The following CASZ1 variants were observed in gnomAD, a reference collection of about 807,000 sequenced individuals.
CASZ1 encodes the protein castor zinc finger 1.
Under a neutral mutation model 135.2 loss-of-function variants are expected in CASZ1, and 28 were observed. That is an observed-to-expected ratio of 0.21 (90% CI 0.15 to 0.28). The LOEUF (loss-of-function observed/expected upper bound fraction) is 0.28. CASZ1 is among the 10% of genes least tolerant of loss of function. The pLI is 1.00. For synonymous variants in CASZ1, 1,068 were observed against 1,073.4 expected, an observed-to-expected ratio of 0.99 and a Z score of 0.10; for missense variants, 2,161 against 2,453.3, an observed-to-expected ratio of 0.88 and a Z score of 2.52.
At position 10,706,100 on chromosome 1, in the gene CASZ1, G is replaced by T. The variant is rs1202500429; in HGVS notation, c.-76-556C>A. Among the ~76,000 whole-genome samples the T allele has an allele frequency of 6.6e-6, 1 of 152,286 alleles. No homozygotes were observed. The highest frequency in any genetic ancestry group is 1.5e-5 in the Non-Finnish European group (1 of 68,050). ...GGCATCAGGAAGCCTCCATGCCCCAGGATCAGGCTGCCGACAGCACCTTCC... is the reference window on the plus strand; with the variant it reads ...GGCATCAGGAAGCCTCCATGCCCCATGATCAGGCTGCCGACAGCACCTTCC... On this transcript the variant is annotated intron_variant, in intron 2 of 20. Transcript: ENST00000377022. This position sits in a 1 kb window ranked among gnomAD's most constrained non-coding sequence, Gnocchi z 4.3.
intron 4 of CASZ1, among the ~76,000 whole-genome samples, chr1:10,673,706 C>A (rs1307073429): frequency 6.6e-6 from 1 of 152,228 alleles, no homozygotes; most frequent in Non-Finnish European, 1.5e-5. Flanking sequence ...ATCTGGGGGG[C>A]TCTCACCTCC....
chr1:10,671,222 G>C (rs975397780), intron 4 of CASZ1, among the ~76,000 whole-genome samples: 1 of 152,214 alleles, frequency 6.6e-6, no homozygotes, highest in Non-Finnish European at 1.5e-5. Flanking sequence ...TCTCCCCCAG[G>C]TCACAGCCAA....
chr1:10,706,561 T>C lies in CASZ1; in HGVS notation c.-76-1017A>G, dbSNP rs1385576067. On this transcript the variant is annotated intron_variant, in intron 2 of 20. Transcript: ENST00000377022. This position sits in a 1 kb window ranked among gnomAD's most constrained non-coding sequence, Gnocchi z 4.3. Reference sequence around the variant, plus strand: ...GATTGTGGGAGATGAGGTGACCTTGTTGAGGGCTCCCGGAATGCCACCCAG... The same window carrying C: ...GATTGTGGGAGATGAGGTGACCTTGCTGAGGGCTCCCGGAATGCCACCCAG... Among the ~76,000 whole-genome samples, 1 of 152,190 alleles carries C rather than the reference T, an allele frequency of 6.6e-6. No homozygotes were observed. The highest frequency in any genetic ancestry group is 6.5e-5 in the Admixed American group (1 of 15,282).
intron 2 of CASZ1, among the ~76,000 whole-genome samples, chr1:10,732,316 G>A (rs1274223751): frequency 9.7e-5 from 13 of 133,782 alleles, no homozygotes; most frequent in Non-Finnish European, 1.9e-4. Flanking sequence ...GCAAGACTCC[G>A]TCTCAAAAAA....
chr1:10,770,159 A>G (rs1570577873), intron 1 of CASZ1, among the ~76,000 whole-genome samples: 1 of 152,154 alleles, frequency 6.6e-6, no homozygotes, highest in African/African-American at 2.4e-5. Context: ...ATCTCGGCTC[A>G]CTGCAGCCTC....
chr1:10,691,702 G>A (rs766866541), intron 4 of CASZ1, among the ~76,000 whole-genome samples: 2 of 152,248 alleles, frequency 1.3e-5, no homozygotes, highest in Admixed American at 6.5e-5. Flanking sequence ...CCCAGCTCCT[G>A]AAGATGAGCA....
rs143080024 is a variant in CASZ1 at position 10,738,323 on chromosome 1, C to T, written c.-77+22378G>A. Among the ~76,000 whole-genome samples the T allele has an allele frequency of 6.1e-3, 933 of 152,314 alleles. 7 individuals carry two copies. The highest frequency in any genetic ancestry group is 0.01 in the Middle Eastern group (3 of 294). On this transcript the variant is annotated intron_variant, in intron 2 of 20. Coordinates refer to ENST00000377022, the MANE Select transcript of CASZ1 (RefSeq NM_001079843.3). ...ATGTCTCAGTCCCGGGACGCTGACG[C>T]GGCAGGAAACCCGGAAGGACGCAGA...
intron 4 of CASZ1, among the ~76,000 whole-genome samples, chr1:10,681,738 G>A (rs1036549545): frequency 6.6e-5 from 10 of 152,344 alleles, no homozygotes; most frequent in East Asian, 3.9e-4. Context: ...TTAGGGTGGC[G>A]CTGGGCCCCA....
chr1:10,766,613 A>C (rs1306688117), intron 1 of CASZ1, among the ~76,000 whole-genome samples: 4 of 152,214 alleles, frequency 2.6e-5, no homozygotes, highest in Non-Finnish European at 4.4e-5. Context: ...GGTACTTCAC[A>C]GCCCCACAAA....
At chr1:10,684,217 C>T (rs904389432) in intron 4 of CASZ1, among the ~76,000 whole-genome samples, 4 of 152,106 alleles carry the variant, frequency 2.6e-5, no homozygotes, top group Middle Eastern at 3.4e-3. Flanking sequence ...TTCCCTTGTC[C>T]GCATCCTCTC....
Position 10,646,424 on chromosome 1 carries a change from C to G in CASZ1, c.3498-98G>C. On this transcript the variant is annotated intron_variant, in intron 16 of 20. Transcript: ENST00000377022. This position sits in a 1 kb window ranked among gnomAD's most constrained non-coding sequence, Gnocchi z 6.4. Reference sequence around the variant, plus strand: ...GTGTTGGAGTTCACTCCCCCACGACCAGCGGTACCACCAAGAGGGATGGCC... The same window carrying G: ...GTGTTGGAGTTCACTCCCCCACGACGAGCGGTACCACCAAGAGGGATGGCC... 8.8e-7 allele frequency: 1 copy of G among 1,130,128 alleles called. No homozygotes were observed. The highest frequency in any genetic ancestry group is 1.3e-6 in the Non-Finnish European group (1 of 771,196). 70.0% of individuals were successfully genotyped at this position (1,130,128 alleles called of 1,614,324 possible). A position where few individuals can be genotyped will look rare whatever the true frequency, so the allele number is the denominator to read the frequency against.
At position 10,654,203 on chromosome 1, in the gene CASZ1, T is replaced by C; in HGVS notation, c.1854A>G (p.Thr618=). ...TGTCACACTTGTTCTTGAAAGTGAA[T>C]GTGCAGCCGGGGCGCCTGGATGGGA... ...THFHCRRPGC[T]FTFKNKCDIE... Residue 618 remains threonine, a synonymous_variant, in exon 11 of 21, where the codon ACA becomes ACG. Transcript: ENST00000377022. 1.2e-6 allele frequency: 2 copies of C among 1,614,142 alleles called. No individual in the cohort carries two copies. The highest frequency in any genetic ancestry group is 2.2e-5 in the East Asian group (1 of 44,884).
At chr1:10,698,376 C>T (rs924420379) in intron 3 of CASZ1, among the ~76,000 whole-genome samples, 1 of 152,128 alleles carries the variant, frequency 6.6e-6, no homozygotes, top group Non-Finnish European at 1.5e-5. Flanking sequence ...CCATTTTTTT[C>T]CCATAAATAC....
intron 4 of CASZ1, 27 bp downstream of exon 4, chr1:10,693,847 C>A: frequency 1.2e-6 from 2 of 1,609,974 alleles, no homozygotes; most frequent in Non-Finnish European, 1.7e-6. Context: ...GTGAAAGAGC[C>A]GCCCCTGCGT....
Position 10,743,671 on chromosome 1 carries a change from GC to G in CASZ1, c.-77+17029del, listed in dbSNP as rs1295677508. Among the ~76,000 whole-genome samples, 21 of 138,310 alleles carry G rather than the reference GC, an allele frequency of 1.5e-4. 1 individual carries two copies. Among genetic ancestry groups the G allele is most frequent in the African/African-American group, 5.4e-4 (20 of 36,854 alleles). The allele number at this position is 138,310 out of a possible 152,430, so 90.7% of individuals were successfully genotyped here. A position where few individuals can be genotyped will look rare whatever the true frequency, so the allele number is the denominator to read the frequency against. ...TTATGACAGTCTCCAAAATGGGGGGGCGGGGTGCGGGGGGAGGAGAAGAGGG... is the reference window on the plus strand; with the variant it reads ...TTATGACAGTCTCCAAAATGGGGGGGGGGGTGCGGGGGGAGGAGAAGAGGG... On this transcript the variant is annotated intron_variant, in intron 2 of 20. Coordinates refer to ENST00000377022, the MANE Select transcript of CASZ1 (RefSeq NM_001079843.3).
In CASZ1 at chr1:10,762,899, T is replaced by C. The variant is rs549627482; in HGVS notation, c.-233-2042A>G. On this transcript the variant is annotated intron_variant, in intron 1 of 20. Transcript: ENST00000377022. The surrounding 1 kb of genome is among the most constrained non-coding windows in gnomAD (Gnocchi z 4.1). ...TGGAAGGAAAGGGGGCTCCAGGCCC[T>C]GGTGGGACGCTCGTTGGGCTTCTTC... Among the ~76,000 whole-genome samples, 32 of 152,310 alleles carry C rather than the reference T, an allele frequency of 2.1e-4. No individual in the cohort carries two copies. The highest frequency in any genetic ancestry group is 7.5e-4 in the African/African-American group (31 of 41,566).
In CASZ1 at chr1:10,639,695, C is replaced by T. The variant is rs369251936; in HGVS notation, c.4527G>A (p.Ser1509=). The T allele has an allele frequency of 1.7e-5, 27 of 1,596,106 alleles. No individual in the cohort carries two copies. Among genetic ancestry groups the T allele is most frequent in the Middle Eastern group, 1.7e-4 (1 of 5,746 alleles). ...LSCHFADCPF[S]GTSTHFHCLR... The stretch of plus-strand genomic sequence containing the variant: ...GGCAGTGGAAGTGCGTGCTGGTGCC[C>T]GAGAAGGGGCAGTCGGCGAAGTGGC... The change falls in exon 21 of 21, where the codon TCG becomes TCA. Residue 1509 remains serine (S), a synonymous_variant. Coordinates refer to ENST00000377022, the MANE Select transcript of CASZ1 (RefSeq NM_001079843.3). This position sits in a 1 kb window ranked among gnomAD's most constrained non-coding sequence, Gnocchi z 4.0.
At position 10,756,290 on chromosome 1, in the gene CASZ1, A is replaced by G. The variant is rs1421565208; in HGVS notation, c.-77+4411T>C. Among the ~76,000 whole-genome samples the G allele has an allele frequency of 6.6e-6, 1 of 151,786 alleles. No individual in the cohort carries two copies. Among genetic ancestry groups the G allele is most frequent in the East Asian group, 2.0e-4 (1 of 5,064 alleles). On this transcript the variant is annotated intron_variant, in intron 2 of 20. Transcript: ENST00000377022. This position sits in a 1 kb window ranked among gnomAD's most constrained non-coding sequence, Gnocchi z 5.9. ...CCACACATTGCTTCCCACTTGGGAC[A>G]TCCCCGATGCACCCCCCACCCTCGC...
In CASZ1 at chr1:10,697,435, G is replaced by T. The variant is rs1638958050; in HGVS notation, c.-23-3523C>A. Among the ~76,000 whole-genome samples, 1 of 152,002 alleles carries T rather than the reference G, an allele frequency of 6.6e-6. No individual in the cohort carries two copies. The highest frequency in any genetic ancestry group is 1.5e-5 in the Non-Finnish European group (1 of 67,990). ...AATCTCTTCTGATCTTGAGTCCCTGGGCCCAGAGCCTCTAGCTCCTCCTGA... is the reference window on the plus strand; with the variant it reads ...AATCTCTTCTGATCTTGAGTCCCTGTGCCCAGAGCCTCTAGCTCCTCCTGA... On this transcript the variant is annotated intron_variant, in intron 3 of 20. Transcript: ENST00000377022. This position sits in a 1 kb window ranked among gnomAD's most constrained non-coding sequence, Gnocchi z 4.7.
Sources: gnomAD v4.1 joint callset for allele counts (sites outside exome capture counted in the v4.1 genomes callset) on GRCh38, gnomAD v4.1.1 for gene constraint, Gnocchi (gnomAD v3.1) non-coding constraint, MANE v1.5 for transcripts, NCBI Gene and HGNC (gene_info 2026-07-23, HGNC 2026-07-21) for gene names.